Variants in DNAH17 observed in about 807,000 individuals in gnomAD.
DNAH17 encodes the protein dynein axonemal heavy chain 17.
Under a neutral mutation model 485.6 loss-of-function variants are expected in DNAH17, and 376 were observed. The ratio of observed to expected loss-of-function variants is 0.77; its 90% CI spans 0.71 to 0.84. The LOEUF (loss-of-function observed/expected upper bound fraction) is 0.84, where lower values mean the gene tolerates loss of function less well. Ranked by LOEUF, DNAH17 falls within the 40% of genes least tolerant of loss-of-function variation. The pLI, the probability that DNAH17 is intolerant of heterozygous loss-of-function variation, is 0.00. For missense variants in DNAH17, 6,370 were observed against 5,839.3 expected (o/e 1.09, Z -2.96); for synonymous variants, 3,031 against 2,405.9 (o/e 1.26, Z -7.60).
chr17:78,450,770 G>A lies in DNAH17; in HGVS notation c.10811C>T (p.Ser3604Leu), dbSNP rs756857767. The change falls in exon 67 of 81, where the codon TCG becomes TTG. Residue 3604 changes from serine (S) to leucine (L), a missense_variant. Transcript: ENST00000389840. ...ELEDSLLARL[S>L]AASGNFLGDT... is the part of the protein sequence containing the mutation. ...TCCCAGAAAGTTCCCCGACGCAGCC[G>A]ACAGACGGGCCAGGAGCGAATCTTC... 18 of 1,613,942 alleles carry A rather than the reference G, an allele frequency of 1.1e-5. No homozygotes were observed. The highest frequency in any genetic ancestry group is 4.0e-5 in the African/African-American group (3 of 74,948).
chr17:78,546,300 A>C (rs918632298), intron 16 of DNAH17, among the ~76,000 whole-genome samples: 2 of 152,178 alleles, frequency 1.3e-5, no homozygotes, highest in African/African-American at 2.4e-5. Context: ...CTACTTGTCA[A>C]TCATTTTATC....
rs543411997 is a variant in DNAH17, at chr17:78,542,043, C to A, written c.2532+1814G>T. On this transcript the variant is annotated intron_variant, in intron 17 of 80. Transcript: ENST00000389840. ...ATAATGGCCCATCCCCCGGGTGTGG[C>A]CTGCTGGTCTGTCTAGATGATGTGA... Among the ~76,000 whole-genome samples, 12 of 151,718 alleles carry A rather than the reference C, an allele frequency of 7.9e-5. No homozygotes were observed. The South Asian group carries it at 2.1e-3, about 26-fold the overall frequency.
In DNAH17 at chr17:78,479,552, G is replaced by C. The variant is rs1192461577; in HGVS notation, c.7833C>G (p.His2611Gln). 1 of 1,613,702 alleles carries C rather than the reference G, an allele frequency of 6.2e-7. No homozygotes were observed. The highest frequency in any genetic ancestry group is 1.7e-5 in the Admixed American group (1 of 60,018). Residue 2611 changes from histidine (H) to glutamine (Q), a missense_variant, in exon 50 of 81, where the codon CAC becomes CAG. Physicochemically the swap from His to Gln is conservative, Grantham distance 24 (BLOSUM62 0). Transcript: ENST00000389840. ...CCATGGAGACCGAGCGGAAGGCCAG[G>C]TGCTGCGTCAGGATTGTGTTGTAGA... The part of the protein sequence containing the change: ...TTIYNTILTQ[H>Q]LAFRSVSMAI...
At position 78,569,519 on chromosome 17, in the gene DNAH17, G is replaced by A. The variant is rs772633687; in HGVS notation, c.1053C>T (p.Thr351=). 13 of 1,605,544 alleles carry A rather than the reference G, an allele frequency of 8.1e-6. No individual in the cohort carries two copies. In the East Asian group the frequency reaches 2.0e-4, roughly 25 times the overall value. ...TCAGCACCTCTTCCGGGCTCAGGAA[G>A]GTTCGTGTCTGGGCAAAAGAGAAGA... ...FCNQIIEMTR[T]FLSPEEVLKG... is the part of the protein sequence containing the mutation. Residue 351 remains threonine (T), a synonymous_variant, in exon 8 of 81, where the codon ACC becomes ACT. Transcript: ENST00000389840.
At chr17:78,517,165 C>T (rs1416310476) in intron 25 of DNAH17, among the ~76,000 whole-genome samples, 1 of 152,172 alleles carries the variant, frequency 6.6e-6, no homozygotes, top group Non-Finnish European at 1.5e-5. Flanking sequence ...GCCTCAGCCT[C>T]CCCAGTAGCT....
chr17:78,490,692 C>T lies in DNAH17; in HGVS notation c.6818+7G>A, dbSNP rs1312655611. The T allele has an allele frequency of 1.2e-6, 2 of 1,603,370 alleles. No individual in the cohort carries two copies. Among genetic ancestry groups the T allele is most frequent in the Admixed American group, 3.4e-5 (2 of 58,746 alleles). Reference sequence around the variant, plus strand: ...GTTTGGAACAGGAAAGCCAAAGCCCCACTCACGGGTTCCATCCCAGGTCGG... The same window carrying T: ...GTTTGGAACAGGAAAGCCAAAGCCCTACTCACGGGTTCCATCCCAGGTCGG... On this transcript the variant is annotated splice_region_variant and intron_variant, in intron 44 of 80. Transcript: ENST00000389840.
intron 27 of DNAH17, among the ~76,000 whole-genome samples, chr17:78,509,317 C>T (rs1400108519): frequency 1.3e-5 from 2 of 151,714 alleles, no homozygotes; most frequent in African/African-American, 4.8e-5. Context: ...ATGGGGTCTG[C>T]CTATGTTGCC....
At chr17:78,536,246 T>C (rs1598664113) in intron 19 of DNAH17, among the ~76,000 whole-genome samples, 1 of 151,964 alleles carries the variant, frequency 6.6e-6, no homozygotes, top group South Asian at 2.1e-4. Flanking sequence ...GAGACCATCC[T>C]GGCCAACATG....
At chr17:78,533,312 G>A (rs2091289644) in intron 19 of DNAH17, among the ~76,000 whole-genome samples, 2 of 152,190 alleles carry the variant, frequency 1.3e-5, no homozygotes, top group Admixed American at 6.5e-5. Context: ...CCTCCCCCTT[G>A]CTTCAGGTGA....
At chr17:78,536,469 A>G (rs1441043375) in intron 19 of DNAH17, among the ~76,000 whole-genome samples, 1 of 150,756 alleles carries the variant, frequency 6.6e-6, no homozygotes, top group Non-Finnish European at 1.5e-5. Context: ...AAAAATTAAG[A>G]AGTTTAAGAC....
Position 78,427,133 on chromosome 17 carries a change from CCT to C in DNAH17, c.12589-27_12589-26del, listed in dbSNP as rs200227498. On this transcript the variant is annotated intron_variant, in intron 77 of 80. Coordinates refer to ENST00000389840, the MANE Select transcript of DNAH17 (RefSeq NM_173628.4). ...CCTGGAAGCCAGTCCCCGGACAGCC[CCT>C]GTCACTGCAAAGAGCCCACCCCACC... The C allele has an allele frequency of 8.8e-4, 1,369 of 1,557,172 alleles. 16 individuals carry two copies. In the African/African-American group the frequency reaches 0.017, roughly 19 times the overall value.
At chr17:78,510,757 C>CCCCG (rs1555679596) in intron 26 of DNAH17, 1 of 431,252 alleles carries the variant, frequency 2.3e-6, no homozygotes, top group South Asian at 3.2e-5. Context: ...TGCGGCCCCC[C>CCCCG]CGCAAAATTC....
intron 71 of DNAH17, 140 bp downstream of exon 71, chr17:78,444,464 C>T (rs907140528): frequency 7.7e-6 from 6 of 782,212 alleles, no homozygotes; most frequent in African/African-American, 1.8e-5. Flanking sequence ...AGCCCTGTTT[C>T]GTTTCTGTGT....
Position 78,475,768 on chromosome 17 carries a change from G to T in DNAH17, c.8220C>A (p.Gly2740=). ...CGGTTACAGGAACATATTTGGGATCGCCAATCCCTTGAGCAAAGTGGCAGA... is the reference window on the plus strand; with the variant it reads ...CGGTTACAGGAACATATTTGGGATCTCCAATCCCTTGAGCAAAGTGGCAGA... ...NIFCHFAQGI[G]DPKYVPVTDM... The change falls in exon 53 of 81, where the codon GGC becomes GGA. Residue 2740 remains glycine, a synonymous_variant. Transcript: ENST00000389840. 1 of 1,613,878 alleles carries T rather than the reference G, an allele frequency of 6.2e-7. No individual in the cohort carries two copies. Among genetic ancestry groups the T allele is most frequent in the Non-Finnish European group, 8.5e-7 (1 of 1,179,872 alleles).
intron 74 of DNAH17, among the ~76,000 whole-genome samples, chr17:78,434,969 T>A (rs1161326515): frequency 6.6e-6 from 1 of 152,088 alleles, no homozygotes. Flanking sequence ...AGGGGAAGTG[T>A]ACTGGGTGGA....
intron 19 of DNAH17, 182 bp from the exon 20 acceptor site, chr17:78,532,918 C>T (rs2091279895): frequency 3.1e-6 from 2 of 655,470 alleles, no homozygotes; most frequent in South Asian, 2.0e-5. Context: ...TGGTGGTCCC[C>T]CACTCCTGGG....
At chr17:78,556,162 C>T (rs1226078227) in intron 14 of DNAH17, among the ~76,000 whole-genome samples, 1 of 149,576 alleles carries the variant, frequency 6.7e-6, no homozygotes, top group Non-Finnish European at 1.5e-5. Context: ...ATTCATCCAC[C>T]TATATAATCT....
At chr17:78,505,055 T>TC (rs1293041779) in intron 31 of DNAH17, among the ~76,000 whole-genome samples, 2 of 151,874 alleles carry the variant, frequency 1.3e-5, no homozygotes, top group Admixed American at 1.3e-4. Flanking sequence ...TCCCGTCCTT[T>TC]CCCCTCCCCT....
At chr17:78,549,906 T>G (rs189701109) in intron 16 of DNAH17, among the ~76,000 whole-genome samples, 1 of 152,320 alleles carries the variant, frequency 6.6e-6, no homozygotes, top group African/African-American at 2.4e-5. Context: ...GCCTGGTTTC[T>G]GGATTTAACA....
Sources: gnomAD v4.1 joint callset for allele counts (sites outside exome capture counted in the v4.1 genomes callset) on GRCh38, gnomAD v4.1.1 for gene constraint, MANE v1.5 for transcripts, NCBI Gene and HGNC (gene_info 2026-07-23, HGNC 2026-07-21) for gene names.